The following PCDH11X variants were observed in gnomAD, a reference collection of about 807,000 sequenced individuals.
The protein encoded by PCDH11X is protocadherin 11 X-linked.
Under a neutral mutation model 53.3 loss-of-function variants are expected in PCDH11X, and 18 were observed. That is an observed-to-expected ratio of 0.34 (90% CI 0.23 to 0.50). The LOEUF is 0.50. Ranked by LOEUF, PCDH11X falls within the 20% of genes least tolerant of loss-of-function variation. PCDH11X has a pLI of 0.98. For missense variants in PCDH11X, 570 were observed against 1,032.4 expected (o/e 0.55, Z 6.14); for synonymous variants, 279 against 393.3 (o/e 0.71, Z 3.44).
chrX:92,534,057 C>T (rs1488056507), intron 10 of PCDH11X, among the ~76,000 whole-genome samples: 21 of 102,173 alleles, frequency 2.1e-4, no homozygotes, highest in East Asian at 2.0e-3. Flanking sequence ...ATGACTTTGA[C>T]GAGTTGACAG....
At chrX:91,783,058 T>A (rs1291805391) in intron 1 of PCDH11X, among the ~76,000 whole-genome samples, 2 of 111,652 alleles carry the variant, frequency 1.8e-5, no homozygotes, top group Admixed American at 9.5e-5. Flanking sequence ...ACTTACTGTG[T>A]TTTGGTTTGG....
chrX:91,822,418 A>C (rs1470729231), intron 4 of PCDH11X, among the ~76,000 whole-genome samples: 2 of 109,892 alleles, frequency 1.8e-5, no homozygotes, highest in African/African-American at 3.3e-5. Flanking sequence ...TGTATGTGTC[A>C]AGGAATTTAT....
intron 6 of PCDH11X, among the ~76,000 whole-genome samples, chrX:91,907,916 G>A (rs1190674119): frequency 2.7e-5 from 3 of 111,646 alleles, no homozygotes; most frequent in Non-Finnish European, 5.6e-5. Flanking sequence ...AGTTTGCTAA[G>A]AATAATGGCC....
intron 6 of PCDH11X, among the ~76,000 whole-genome samples, chrX:92,067,899 A>G (rs5984864): frequency 0.14 from 14,976 of 110,506 alleles, 965 homozygotes; most frequent in East Asian, 0.42. Flanking sequence ...GGTAGGTTGT[A>G]TGTGTCTAGG....
chrX:92,419,370 C>T (rs189003027), intron 9 of PCDH11X, among the ~76,000 whole-genome samples: 218 of 104,796 alleles, frequency 2.1e-3, no homozygotes, highest in African/African-American at 7.3e-3. Context: ...TCTCCTACCT[C>T]AGCTTCCCAA....
At chrX:92,187,342 C>T (rs1161846874) in intron 6 of PCDH11X, among the ~76,000 whole-genome samples, 2 of 111,806 alleles carry the variant, frequency 1.8e-5, no homozygotes, top group African/African-American at 6.5e-5. Context: ...TACAAAGACC[C>T]TTGTGATTAC....
intron 8 of PCDH11X, among the ~76,000 whole-genome samples, chrX:92,311,333 A>C (rs1238222319): frequency 6.4e-5 from 7 of 109,634 alleles, no homozygotes; most frequent in Non-Finnish European, 1.3e-4. Flanking sequence ...TCAGTGTTAG[A>C]TTCTAAGTGG....
intron 10 of PCDH11X, among the ~76,000 whole-genome samples, chrX:92,500,627 G>A (rs2073943676): frequency 9.2e-6 from 1 of 108,501 alleles, no homozygotes; most frequent in African/African-American, 3.4e-5. Context: ...ATGACTCTTG[G>A]GTAAATAATG....
At chrX:92,000,654 C>T (rs944181617) in intron 6 of PCDH11X, among the ~76,000 whole-genome samples, 3 of 110,340 alleles carry the variant, frequency 2.7e-5, no homozygotes, top group African/African-American at 3.3e-5. Flanking sequence ...ATTCTGCTAC[C>T]GATTTGTAGT....
chrX:92,511,243 A>G (rs781590874), intron 10 of PCDH11X, among the ~76,000 whole-genome samples: 1 of 111,855 alleles, frequency 8.9e-6, no homozygotes, highest in South Asian at 3.7e-4. Flanking sequence ...AATTCTCAGT[A>G]AATTGTATTG....
At chrX:92,521,669 T>C (rs1213288330) in intron 10 of PCDH11X, among the ~76,000 whole-genome samples, 1 of 110,731 alleles carries the variant, frequency 9.0e-6, no homozygotes, top group Non-Finnish European at 1.9e-5. Context: ...CTTTTCTCTA[T>C]GAAAGTCCTA....
intron 10 of PCDH11X, among the ~76,000 whole-genome samples, chrX:92,486,426 CTT>C (rs1239471375): frequency 9.0e-6 from 1 of 111,450 alleles, no homozygotes; most frequent in East Asian, 2.8e-4. Flanking sequence ...TTGTGAAACA[CTT>C]ATATCACAAA....
chrX:92,113,378 G>A (rs750865409), intron 6 of PCDH11X: 23 of 1,197,899 alleles, frequency 1.9e-5, no homozygotes, highest in East Asian at 1.8e-4. Flanking sequence ...TGTCCACCTC[G>A]ACTGATTCTG....
intron 6 of PCDH11X, among the ~76,000 whole-genome samples, chrX:92,091,686 G>A (rs770162702): frequency 6.6e-4 from 74 of 111,766 alleles, no homozygotes; most frequent in African/African-American, 2.4e-3. Context: ...ACATTTTCTG[G>A]TTGACAATTG....
intron 10 of PCDH11X, among the ~76,000 whole-genome samples, chrX:92,471,205 A>G (rs1485259131): frequency 9.8e-6 from 1 of 102,386 alleles, no homozygotes; most frequent in Non-Finnish European, 2.0e-5. Flanking sequence ...TGTTTCATCA[A>G]CCAGGTTTTA....
chrX:92,321,469 T>C lies in PCDH11X; in HGVS notation c.3144+58326T>C, dbSNP rs2069207640. On this transcript the variant is annotated intron_variant, in intron 8 of 10. Coordinates refer to ENST00000682573, the MANE Select transcript of PCDH11X (RefSeq NM_032968.5). ...CCTTGGCCTCCCAAAGTGCTGGGAT[T>C]ACAGGCGTGAGCCACCGCGCCCGGC... is the stretch of plus-strand genomic sequence containing the variant. 2.7e-5 allele frequency among the ~76,000 whole-genome samples: 3 copies of C among 111,371 alleles called. No individual in the cohort carries two copies. The South Asian group carries it at 1.1e-3, about 42-fold the overall frequency.
intron 8 of PCDH11X, among the ~76,000 whole-genome samples, chrX:92,301,644 GTTTTT>G (rs1294911403): frequency 4.1e-5 from 4 of 97,867 alleles, no homozygotes; most frequent in South Asian, 5.1e-4. Flanking sequence ...TCACTTTTTT[GTTTTT>G]TGTTTTGTTT....
At chrX:91,902,242 A>G (rs1940981142) in intron 6 of PCDH11X, among the ~76,000 whole-genome samples, 1 of 110,220 alleles carries the variant, frequency 9.1e-6, no homozygotes, top group African/African-American at 3.3e-5. Flanking sequence ...GCTCTTCAAA[A>G]CATCTTAATC....
At chrX:92,148,840 TAGAA>T (rs1324319078) in intron 6 of PCDH11X, among the ~76,000 whole-genome samples, 1 of 108,204 alleles carries the variant, frequency 9.2e-6, no homozygotes, top group African/African-American at 3.4e-5. Context: ...ATCTGGATCT[TAGAA>T]AGTTAATGCT....
Sources: gnomAD v4.1 joint callset for allele counts (sites outside exome capture counted in the v4.1 genomes callset) on GRCh38, gnomAD v4.1.1 for gene constraint, MANE v1.5 for transcripts, NCBI Gene and HGNC (gene_info 2026-07-23, HGNC 2026-07-21) for gene names.